RIN2: variants seen among roughly 807,000 people sequenced by gnomAD.
RIN2 encodes the protein Ras and Rab interactor 2.
A neutral mutation model predicts 78.0 loss-of-function variants in RIN2; 36 were observed. The observed-to-expected ratio is 0.46, with a 90% CI of 0.35 to 0.61. The LOEUF (loss-of-function observed/expected upper bound fraction) is 0.61, where lower values mean the gene tolerates loss of function less well. RIN2 is among the 20% of genes least tolerant of loss of function. The probability of loss-of-function intolerance (pLI) is 0.00; values close to 1 mark genes in which losing one functional copy is unlikely to be tolerated. For missense variants in RIN2, 1,087 were observed against 1,159.7 expected, an observed-to-expected ratio of 0.94 and a Z score of 0.91; for synonymous variants, 466 against 466.8, an observed-to-expected ratio of 1.00 and a Z score of 0.02.
rs372731706 is a variant in RIN2, at chr20:19,975,124, T to C, written c.1099T>C (p.Phe367Leu). 14 of 1,613,252 alleles carry C rather than the reference T, an allele frequency of 8.7e-6. No individual in the cohort carries two copies. The highest frequency in any genetic ancestry group is 8.3e-5 in the Admixed American group (5 of 60,016). Residue 367 changes from phenylalanine to leucine, a missense_variant, in exon 9 of 13, where the codon TTT becomes CTT. By Grantham distance (22) the Phe-to-Leu change is conservative. This residue lies in a region of RIN2 where 706 missense variants were observed against 667.5 expected (regional missense o/e 1.06). Transcript: ENST00000255006. This position sits in a 1 kb window ranked among gnomAD's most constrained non-coding sequence, Gnocchi z 4.9. Reference sequence around the variant, plus strand: ...ACCCCGGCTGAAGAAGCAGGCTTCTTTTCTGGAAGCAGAGGGCGGTGCAAA... The same window carrying C: ...ACCCCGGCTGAAGAAGCAGGCTTCTCTTCTGGAAGCAGAGGGCGGTGCAAA... ...PPPRLKKQASFLEAEGGAKTL... is the reference protein window; with the variant it reads ...PPPRLKKQASLLEAEGGAKTL...
intron 2 of RIN2, among the ~76,000 whole-genome samples, chr20:19,862,148 G>A (rs2037363604): frequency 6.6e-6 from 1 of 152,230 alleles, no homozygotes; most frequent in African/African-American, 2.4e-5. Flanking sequence ...AGAGTCTCCT[G>A]ACCCTGATGT....
At position 19,933,070 on chromosome 20, in the gene RIN2, G is replaced by A. The variant is rs191773465; in HGVS notation, c.58-2029G>A. On this transcript the variant is annotated intron_variant, in intron 3 of 12. Coordinates refer to ENST00000255006, the MANE Select transcript of RIN2 (RefSeq NM_018993.4). ...TTTCTAGTTCCACCACTACCACCTC[G>A]GTCCAAGCTGCATCATCTCTTGCCT... 3.8e-3 allele frequency among the ~76,000 whole-genome samples: 585 copies of A among 152,032 alleles called. 2 individuals are homozygous for A. The highest frequency in any genetic ancestry group is 0.017 in the South Asian group (81 of 4,804).
rs57588865 is a variant in RIN2, at chr20:19,948,250, G to A, written c.159-8365G>A. ...CCTAGGAAAGCATCATTTGACTTAC[G>A]GGCCACAACCACCTTATTTATCTCC... On this transcript the variant is annotated intron_variant, in intron 4 of 12. Coordinates refer to ENST00000255006, the MANE Select transcript of RIN2 (RefSeq NM_018993.4). Among the ~76,000 whole-genome samples, 1,216 of 152,168 alleles carry A rather than the reference G, an allele frequency of 8.0e-3. 17 individuals carry two copies. Among genetic ancestry groups the A allele is most frequent in the African/African-American group, 0.027 (1,140 of 41,496 alleles).
intron 2 of RIN2, chr20:19,886,913 C>T (rs375255089): frequency 5.3e-6 from 3 of 560,840 alleles, no homozygotes; most frequent in East Asian, 5.8e-5. Flanking sequence ...TATTAAATTG[C>T]TGTCAATATT....
At position 19,990,169 on chromosome 20, in the gene RIN2, C is replaced by T. The variant is rs532217477; in HGVS notation, c.1926C>T (p.Phe642=). 4.0e-5 allele frequency: 64 copies of T among 1,604,152 alleles called. 1 individual carries two copies. In the East Asian group the frequency reaches 8.8e-4, roughly 22 times the overall value. Residue 642 remains phenylalanine (F), a synonymous_variant, in exon 10 of 13, where the codon TTC becomes TTT. Transcript: ENST00000255006. ...RQRNPQELGV[F]APTPDFVDVE... is the part of the protein sequence containing the mutation. The stretch of plus-strand genomic sequence containing the variant: ...GGAATCCGCAGGAGCTGGGGGTCTT[C>T]GCCCCGACCCCTGATTTTGTGGATG...
intron 2 of RIN2, among the ~76,000 whole-genome samples, chr20:19,803,723 A>C (rs943346478): frequency 6.6e-6 from 1 of 152,204 alleles, no homozygotes; most frequent in Non-Finnish European, 1.5e-5. Context: ...TTATTTTTTA[A>C]TTCTGTGAAG....
At chr20:19,909,991 A>C (rs2039391927) in intron 3 of RIN2, among the ~76,000 whole-genome samples, 1 of 152,196 alleles carries the variant, frequency 6.6e-6, no homozygotes. Flanking sequence ...CCAAGTGTCC[A>C]TCAACGCAGA....
At chr20:19,879,166 C>G (rs2037944650) in intron 2 of RIN2, among the ~76,000 whole-genome samples, 1 of 152,196 alleles carries the variant, frequency 6.6e-6, no homozygotes, top group African/African-American at 2.4e-5. Context: ...CATTGGTCAG[C>G]CAAGACAGAC....
chr20:19,879,188 C>T (rs915062451), intron 2 of RIN2, among the ~76,000 whole-genome samples: 2 of 152,200 alleles, frequency 1.3e-5, no homozygotes, highest in African/African-American at 4.8e-5. Context: ...TTTAAACATG[C>T]CTGAACTTCT....
intron 3 of RIN2, among the ~76,000 whole-genome samples, chr20:19,893,176 G>C (rs190615042): frequency 2.0e-5 from 3 of 152,174 alleles, no homozygotes; most frequent in Non-Finnish European, 2.9e-5. Context: ...AGCGGACTTC[G>C]ATTTGAGAGC....
chr20:19,904,227 G>A (rs111939331), intron 3 of RIN2, among the ~76,000 whole-genome samples: 1,474 of 74,176 alleles, frequency 0.02, 18 homozygotes, highest in African/African-American at 0.053. Flanking sequence ...ATGAGACTTC[G>A]TCTCAAAAAA....
Position 19,960,687 on chromosome 20 carries a change from T to C in RIN2, c.352-13T>C. The stretch of plus-strand genomic sequence containing the variant: ...ATATTTCCTAAAGCTTGTATTTCTT[T>C]TCCCTCCACTAGATCTTCCTGGTTC... On this transcript the variant is annotated splice_polypyrimidine_tract_variant and intron_variant, in intron 5 of 12. Transcript: ENST00000255006. 1 of 1,541,974 alleles carries C rather than the reference T, an allele frequency of 6.5e-7. No homozygotes were observed.
In RIN2 at chr20:19,974,822, A is replaced by C; in HGVS notation, c.797A>C (p.Asn266Thr). The C allele has an allele frequency of 6.2e-7, 1 of 1,614,004 alleles. No homozygotes were observed. Among genetic ancestry groups the C allele is most frequent in the Non-Finnish European group, 8.5e-7 (1 of 1,179,890 alleles). ...TPSELECSQT[N>T]GALCFINPLF... The stretch of plus-strand genomic sequence containing the variant: ...TCAGAGCTGGAGTGCAGCCAGACCA[A>C]CGGGGCCCTGTGCTTTATTAATCCC... The change falls in exon 9 of 13, where the codon AAC becomes ACC. Residue 266 changes from asparagine to threonine, a missense_variant. By Grantham distance (65) the Asn-to-Thr change is moderately conservative. Around this residue, in one of 8 missense-constraint regions of RIN2, gnomAD observed 706 missense variants for 667.5 expected, o/e 1.06. Transcript: ENST00000255006.
chr20:19,945,381 G>A (rs1236597847), intron 4 of RIN2, among the ~76,000 whole-genome samples: 1 of 152,192 alleles, frequency 6.6e-6, no homozygotes, highest in Non-Finnish European at 1.5e-5. Flanking sequence ...ATGACTGAAT[G>A]TGAAAGCCCC....
At chr20:19,921,839 G>A (rs1479543068) in intron 3 of RIN2, among the ~76,000 whole-genome samples, 1 of 139,018 alleles carries the variant, frequency 7.2e-6, no homozygotes, top group East Asian at 2.7e-4. Context: ...GGGTAAATTT[G>A]GATCTGTCGG....
intron 2 of RIN2, among the ~76,000 whole-genome samples, chr20:19,840,596 C>A (rs1176129031): frequency 6.6e-6 from 1 of 152,192 alleles, no homozygotes; most frequent in Non-Finnish European, 1.5e-5. Flanking sequence ...GCCCCTTAGC[C>A]AACCAGAAAC....
chr20:19,794,820 A>G (rs1451197625), intron 1 of RIN2, among the ~76,000 whole-genome samples: 1 of 152,196 alleles, frequency 6.6e-6, no homozygotes, highest in African/African-American at 2.4e-5. Flanking sequence ...CACCTACTAG[A>G]TGCTTACTCC....
chr20:19,874,210 G>A (rs2037786061), intron 2 of RIN2, among the ~76,000 whole-genome samples: 1 of 152,144 alleles, frequency 6.6e-6, no homozygotes, highest in African/African-American at 2.4e-5. Context: ...TCAGGCTTGA[G>A]TTATAGTGCT....
chr20:19,937,371 C>T (rs1266730152), intron 4 of RIN2, among the ~76,000 whole-genome samples: 1 of 152,208 alleles, frequency 6.6e-6, no homozygotes, highest in Non-Finnish European at 1.5e-5. Context: ...CCTGGCTCTG[C>T]ACGTCTGACG....
Sources: allele counts gnomAD v4.1 joint callset (sites outside exome capture counted in the v4.1 genomes callset), GRCh38; gene constraint gnomAD v4.1.1; regional missense constraint gnomAD v4.1.1; non-coding constraint Gnocchi (gnomAD v3.1); transcripts MANE v1.5; gene names NCBI Gene and HGNC (gene_info 2026-07-23, HGNC 2026-07-21).